TRPM3: variants seen among roughly 807,000 people sequenced by gnomAD.
TRPM3 encodes transient receptor potential cation channel subfamily M member 3, also known as long transient receptor potential channel 3.
In TRPM3, 77 loss-of-function variants were observed where a neutral mutation model predicts 181.2. The ratio of observed to expected loss-of-function variants is 0.42; its 90% CI spans 0.35 to 0.51. The LOEUF is 0.51. TRPM3 is among the 20% of genes least tolerant of loss of function. TRPM3 has a pLI of 0.01. For missense variants in TRPM3, 1,759 were observed against 2,196.7 expected (o/e 0.80, Z 3.98); for synonymous variants, 745 against 796.4 (o/e 0.94, Z 1.09).
chr9:71,437,486 GACCATTTATTTACAT>G (rs1381283668), intron 1 of TRPM3, among the ~76,000 whole-genome samples: 1 of 152,018 alleles, frequency 6.6e-6, no homozygotes, highest in Non-Finnish European at 1.5e-5. Flanking sequence ...ACACAGCCAT[GACCATTTATTTACAT>G]AATGCTTATG....
chr9:70,570,231 G>GT (rs35979004), intron 22 of TRPM3, among the ~76,000 whole-genome samples: 21 of 142,862 alleles, frequency 1.5e-4, no homozygotes, highest in South Asian at 1.3e-3. Context: ...TTCAGATTTG[G>GT]TTTTTTTTTT....
At chr9:70,590,978 GA>G (rs1360083991) in intron 22 of TRPM3, 52 bp downstream of exon 22, 1 of 1,610,038 alleles carries the variant, frequency 6.2e-7, no homozygotes, top group Admixed American at 1.7e-5. Flanking sequence ...AGACATAACC[GA>G]ATTGAATTTA....
At chr9:71,332,646 A>G (rs968458858) in intron 1 of TRPM3, among the ~76,000 whole-genome samples, 1 of 151,812 alleles carries the variant, frequency 6.6e-6, no homozygotes, top group African/African-American at 2.4e-5. Context: ...ATTTATTCCT[A>G]TATTTCATTT....
rs181566273 is a variant in TRPM3, at chr9:71,215,256, C to T, written c.183+231397G>A. Among the ~76,000 whole-genome samples the T allele has an allele frequency of 2.0e-4, 31 of 152,196 alleles. 1 individual carries two copies. Among genetic ancestry groups the T allele is most frequent in the African/African-American group, 5.3e-4 (22 of 41,532 alleles). ...TGTATGTTAATAAGGCACTGAATGG[C>T]GCTTATATATGGAGGAGATGTTGAA... is the stretch of plus-strand genomic sequence containing the variant. On this transcript the variant is annotated intron_variant, in intron 1 of 24. Coordinates refer to the TRPM3 transcript ENST00000357533.
intron 3 of TRPM3, among the ~76,000 whole-genome samples, chr9:70,848,898 A>C (rs1589206637): frequency 3.1e-5 from 1 of 32,646 alleles, no homozygotes; most frequent in Non-Finnish European, 6.4e-5. Flanking sequence ...AATGGCTTGA[A>C]CCCGGGAGGC....
intron 1 of TRPM3, among the ~76,000 whole-genome samples, chr9:71,409,008 A>G (rs2093491026): frequency 6.6e-6 from 1 of 152,168 alleles, no homozygotes; most frequent in Non-Finnish European, 1.5e-5. Flanking sequence ...CAAACTAAGT[A>G]AGCTTCATAA....
chr9:70,897,680 A>G (rs1346875767), intron 1 of TRPM3, among the ~76,000 whole-genome samples: 2 of 152,202 alleles, frequency 1.3e-5, no homozygotes, highest in African/African-American at 2.4e-5. Context: ...AACTGATGGC[A>G]TCTAGTGGAG....
intron 6 of TRPM3, among the ~76,000 whole-genome samples, chr9:70,807,780 G>C (rs1243296334): frequency 1.3e-5 from 2 of 152,130 alleles, no homozygotes; most frequent in Non-Finnish European, 1.5e-5. Flanking sequence ...GGCTGATATA[G>C]AGCACAGCAA....
intron 1 of TRPM3, among the ~76,000 whole-genome samples, chr9:71,080,027 G>A (rs1395874689): frequency 6.6e-6 from 1 of 151,950 alleles, no homozygotes; most frequent in African/African-American, 2.4e-5. Context: ...AAAATTAGCT[G>A]GGCATGTTGG....
chr9:71,090,247 T>C (rs1349537819), intron 1 of TRPM3, among the ~76,000 whole-genome samples: 1 of 152,112 alleles, frequency 6.6e-6, no homozygotes, highest in Non-Finnish European at 1.5e-5. Flanking sequence ...AGATTGAATG[T>C]AGACATGTAA....
chr9:70,970,733 T>C (rs2097235042), intron 1 of TRPM3, among the ~76,000 whole-genome samples: 1 of 152,206 alleles, frequency 6.6e-6, no homozygotes, highest in African/African-American at 2.4e-5. Flanking sequence ...GAAGCTTCTC[T>C]GTGCGTTGTG....
chr9:70,750,599 G>T (rs1191249137), intron 8 of TRPM3, among the ~76,000 whole-genome samples: 2 of 152,148 alleles, frequency 1.3e-5, no homozygotes, highest in Non-Finnish European at 2.9e-5. Context: ...GATGGCACTG[G>T]AATCGAAGTA....
At chr9:71,432,084 T>C (rs897705910) in intron 1 of TRPM3, among the ~76,000 whole-genome samples, 6 of 152,302 alleles carry the variant, frequency 3.9e-5, no homozygotes, top group African/African-American at 1.2e-4. Flanking sequence ...AGCAATAACA[T>C]CCAGCCTTCT....
chr9:71,293,599 A>C lies in TRPM3; in HGVS notation c.183+153054T>G, dbSNP rs937628174. Among the ~76,000 whole-genome samples, 9 of 122,954 alleles carry C rather than the reference A, an allele frequency of 7.3e-5. No homozygotes were observed. The South Asian group carries it at 2.7e-3, about 36-fold the overall frequency. 80.7% of individuals were successfully genotyped at this position (122,954 alleles called of 152,430 possible). A position where few individuals can be genotyped will look rare whatever the true frequency, so the allele number is the denominator to read the frequency against. On this transcript the variant is annotated intron_variant, in intron 1 of 24. Coordinates refer to the TRPM3 transcript ENST00000357533. ...CTAAATAAATGGAGAGATATACTAC[A>C]TTTGTGGAAAAAAAAAAGCTCAATA...
intron 1 of TRPM3, among the ~76,000 whole-genome samples, chr9:71,221,078 G>C (rs2080211947): frequency 1.3e-5 from 2 of 152,176 alleles, no homozygotes; most frequent in Non-Finnish European, 2.9e-5. Context: ...GAAAGAGTAA[G>C]AGCTCCAAAA....
chr9:70,852,298 G>T (rs1398309523), intron 3 of TRPM3, among the ~76,000 whole-genome samples: 2 of 151,946 alleles, frequency 1.3e-5, no homozygotes, highest in African/African-American at 4.8e-5. Flanking sequence ...CAGGGATGTT[G>T]GTTTCACCCA....
chr9:71,199,211 C>G (rs1167057474), intron 1 of TRPM3, among the ~76,000 whole-genome samples: 1 of 151,100 alleles, frequency 6.6e-6, no homozygotes, highest in Non-Finnish European at 1.5e-5. Context: ...CCTTGCATCA[C>G]AGGGATGAAG....
chr9:70,838,513 T>C (rs1005407257), intron 5 of TRPM3, among the ~76,000 whole-genome samples: 2 of 152,162 alleles, frequency 1.3e-5, no homozygotes, highest in Non-Finnish European at 2.9e-5. Context: ...TGGCATTTTG[T>C]TATAGAAACC....
intron 7 of TRPM3, 26 bp from the exon 8 acceptor site, chr9:70,761,750 CAGG>C (rs1256889007): frequency 6.3e-7 from 1 of 1,596,428 alleles, no homozygotes; most frequent in South Asian, 1.1e-5. Context: ...ATGTCAAAAG[CAGG>C]TCAACCAACT....
Sources: gnomAD v4.1 joint callset for allele counts (sites outside exome capture counted in the v4.1 genomes callset) on GRCh38, gnomAD v4.1.1 for gene constraint, MANE v1.5 for transcripts, NCBI Gene and HGNC (gene_info 2026-07-23, HGNC 2026-07-21) for gene names.